Variants in KLHL3 observed in about 807,000 individuals in gnomAD.
The protein encoded by KLHL3 is kelch like family member 3.
KLHL3 carries 19 observed loss-of-function variants against 70.5 expected under a neutral mutation model. That is an observed-to-expected ratio of 0.27 (90% confidence interval 0.19 to 0.40). The LOEUF (loss-of-function observed/expected upper bound fraction) is 0.40, where lower values mean the gene tolerates loss of function less well. Ranked by LOEUF, KLHL3 falls within the 10% of genes least tolerant of loss-of-function variation. KLHL3 has a pLI of 1.00. For synonymous variants in KLHL3, 258 were observed against 290.3 expected, an observed-to-expected ratio of 0.89 and a Z score of 1.13; for missense variants, 512 against 771.1, an observed-to-expected ratio of 0.66 and a Z score of 3.98.
intron 7 of KLHL3, chr5:137,661,339 T>C (rs1751469784): frequency 6.6e-6 from 1 of 152,244 alleles, no homozygotes; most frequent in South Asian, 2.1e-4. Context: ...AGAAAACATA[T>C]GGCACCATAA....
At chr5:137,710,003 G>C (rs760933781) in intron 2 of KLHL3, 147 bp from the exon 3 acceptor site, 77 of 668,280 alleles carry the variant, frequency 1.2e-4, no homozygotes, top group Non-Finnish European at 1.9e-4. Flanking sequence ...AGTTAGGGAG[G>C]GGGGTGGATT....
At position 137,618,486 on chromosome 5, in the gene KLHL3, G is replaced by T. The variant is rs990441319; in HGVS notation, c.*3612C>A. The T allele has an allele frequency of 6.6e-6, 1 of 152,142 alleles. No individual in the cohort carries two copies. The highest frequency in any genetic ancestry group is 2.4e-5 in the African/African-American group (1 of 41,426). 9.4% of individuals were successfully genotyped at this position (152,142 alleles called of 1,614,324 possible). ...TATGCTTAACACACAGGGATCATGA[G>T]GATTGACCCCTCTTTTAAAGGTTAG... On this transcript the variant is annotated 3_prime_UTR_variant, in exon 15 of 15. Coordinates refer to ENST00000309755, the MANE Select transcript of KLHL3 (RefSeq NM_017415.3).
chr5:137,631,042 G>A (rs573152893), intron 12 of KLHL3, among the ~76,000 whole-genome samples: 3 of 120,860 alleles, frequency 2.5e-5, no homozygotes, highest in South Asian at 2.6e-4. Flanking sequence ...ACTATAAAAC[G>A]AGATCACAAC....
chr5:137,725,116 A>T, intron 1 of KLHL3: 1 of 930,792 alleles, frequency 1.1e-6, no homozygotes, highest in Non-Finnish European at 1.3e-6. Flanking sequence ...CACCCTATCA[A>T]GTCCCAATCC....
intron 3 of KLHL3, chr5:137,706,027 C>G: frequency 1.0e-6 from 1 of 985,444 alleles, no homozygotes; most frequent in Non-Finnish European, 1.2e-6. Context: ...GATTGGGACA[C>G]TCTCTGATGG....
chr5:137,691,609 C>T (rs962393406), intron 5 of KLHL3, among the ~76,000 whole-genome samples: 1 of 97,776 alleles, frequency 1.0e-5, no homozygotes, highest in Non-Finnish European at 1.9e-5. Context: ...TGCAATAGTA[C>T]GTGACTTTTT....
intron 4 of KLHL3, among the ~76,000 whole-genome samples, chr5:137,696,509 T>A (rs1193582379): frequency 6.6e-6 from 1 of 152,250 alleles, no homozygotes; most frequent in Admixed American, 6.5e-5. Context: ...GTTATGAGGA[T>A]CAAATGAGAA....
At chr5:137,727,614 C>A (rs1753105356) in intron 1 of KLHL3, among the ~76,000 whole-genome samples, 1 of 152,150 alleles carries the variant, frequency 6.6e-6, no homozygotes, top group Non-Finnish European at 1.5e-5. Context: ...GAAAACTGTT[C>A]TATCTTATTC....
At chr5:137,632,474 A>T (rs1750662170) in intron 12 of KLHL3, among the ~76,000 whole-genome samples, 1 of 152,218 alleles carries the variant, frequency 6.6e-6, no homozygotes, top group Non-Finnish European at 1.5e-5. Context: ...ATGAAACTAG[A>T]CCTCTATCTC....
chr5:137,723,972 T>C (rs983733926), intron 1 of KLHL3, among the ~76,000 whole-genome samples: 1 of 152,238 alleles, frequency 6.6e-6, no homozygotes, highest in African/African-American at 2.4e-5. Flanking sequence ...GAGATGTTCA[T>C]ATGGGTTTTT....
intron 5 of KLHL3, among the ~76,000 whole-genome samples, chr5:137,678,692 T>C (rs1453570587): frequency 6.6e-6 from 1 of 152,240 alleles, no homozygotes; most frequent in East Asian, 1.9e-4. Flanking sequence ...ATTTTTAACT[T>C]TTTATATTGA....
chr5:137,657,880 G>A (rs1023353283), intron 8 of KLHL3, among the ~76,000 whole-genome samples: 1 of 152,164 alleles, frequency 6.6e-6, no homozygotes. Context: ...GGGGGTGAGA[G>A]GGAGCTCTGA....
intron 1 of KLHL3, among the ~76,000 whole-genome samples, chr5:137,729,485 T>C (rs1753137210): frequency 6.6e-6 from 1 of 152,160 alleles, no homozygotes; most frequent in South Asian, 2.1e-4. Context: ...CATAACTCAG[T>C]CCCTAGTTTA....
intron 8 of KLHL3, 113 bp downstream of exon 8, chr5:137,658,018 T>C (rs1241837678): frequency 1.9e-6 from 2 of 1,057,088 alleles, no homozygotes; most frequent in Non-Finnish European, 2.8e-6. Flanking sequence ...AGGTTGTAAA[T>C]GCAACCAAGA....
Position 137,735,825 on chromosome 5 carries a change from A to G in KLHL3, c.-179T>C. On this transcript the variant is annotated 5_prime_UTR_variant, in exon 1 of 15. Transcript: ENST00000309755. ...CTCCTTCCTCTGACTTACTCGCAGC[A>G]GCTTCTACCGCAAAAGCAGCAGCAA... 1 of 773,078 alleles carries G rather than the reference A, an allele frequency of 1.3e-6. No individual in the cohort carries two copies. The highest frequency in any genetic ancestry group is 1.7e-5 in the African/African-American group (1 of 58,988). 47.9% of individuals were successfully genotyped at this position (773,078 alleles called of 1,614,324 possible).
intron 2 of KLHL3, among the ~76,000 whole-genome samples, chr5:137,713,153 C>CAAAAAA (rs958291877): frequency 2.6e-5 from 1 of 38,440 alleles, no homozygotes; most frequent in Admixed American, 2.2e-4. Context: ...GAATAACCAG[C>CAAAAAA]AAAAAAAAAA....
In KLHL3 at chr5:137,658,200, G is replaced by A; in HGVS notation, c.834C>T (p.Leu278=). 2 of 1,613,742 alleles carry A rather than the reference G, an allele frequency of 1.2e-6. No homozygotes were observed. The highest frequency in any genetic ancestry group is 1.7e-6 in the Non-Finnish European group (2 of 1,179,630). Reference sequence around the variant, plus strand: ...TAATCAATAGTCTCTGATCCAGAGGGAGGAGATGGTATTTCATGGCCTCAA... The same window carrying A: ...TAATCAATAGTCTCTGATCCAGAGGAAGGAGATGGTATTTCATGGCCTCAA... ...FLIEAMKYHL[L]PLDQRLLIKN... The change falls in exon 8 of 15, where the codon CTC becomes CTT. Residue 278 remains leucine (L), a synonymous_variant. Transcript: ENST00000309755.
intron 11 of KLHL3, among the ~76,000 whole-genome samples, 173 bp downstream of exon 11, chr5:137,637,121 C>T (rs1750785847): frequency 6.6e-6 from 1 of 152,212 alleles, no homozygotes; most frequent in Admixed American, 6.5e-5. Context: ...AGCTCCACCA[C>T]CTCTCTGAGT....
At chr5:137,700,631 GAC>G (rs1351653897) in intron 3 of KLHL3, among the ~76,000 whole-genome samples, 1 of 152,154 alleles carries the variant, frequency 6.6e-6, no homozygotes, top group Admixed American at 6.5e-5. Flanking sequence ...AAAAGGTTAA[GAC>G]ACAGTTTTCT....
Sources: allele counts gnomAD v4.1 joint callset (sites outside exome capture counted in the v4.1 genomes callset), GRCh38; gene constraint gnomAD v4.1.1; transcripts MANE v1.5; gene names NCBI Gene and HGNC (gene_info 2026-07-23, HGNC 2026-07-21).